ELAVL2: variants seen among roughly 807,000 people sequenced by gnomAD.
ELAVL2 encodes ELAV-like protein 2.
In ELAVL2, 4 loss-of-function variants were observed where a neutral mutation model predicts 34.6. The ratio of observed to expected loss-of-function variants is 0.12; its 90% CI spans 0.06 to 0.26. The LOEUF is 0.26. Ranked by LOEUF, ELAVL2 falls within the 10% of genes least tolerant of loss-of-function variation. The pLI is 1.00. For missense variants in ELAVL2, 432 were observed against 442.8 expected (o/e 0.98, Z 0.22); for synonymous variants, 193 against 154.8 (o/e 1.25, Z -1.83).
intron 2 of ELAVL2, among the ~76,000 whole-genome samples, chr9:23,740,477 G>A (rs1003937769): frequency 5.3e-5 from 8 of 152,162 alleles, no homozygotes; most frequent in African/African-American, 1.9e-4. Flanking sequence ...CTTTGGCCAT[G>A]TGTGGAAATT....
At chr9:23,769,419 G>GT (rs1045925156) in intron 1 of ELAVL2, among the ~76,000 whole-genome samples, 3 of 152,114 alleles carry the variant, frequency 2.0e-5, no homozygotes, top group Admixed American at 2.0e-4. Context: ...TCACTAAGTG[G>GT]TATTTTCAGG....
chr9:23,692,729 G>C lies in ELAVL2; in HGVS notation c.908C>G (p.Thr303Ser). 1 of 1,614,158 alleles carries C rather than the reference G, an allele frequency of 6.2e-7. No individual in the cohort carries two copies. Among genetic ancestry groups the C allele is most frequent in the Non-Finnish European group, 8.5e-7 (1 of 1,180,002 alleles). Residue 303 changes from threonine to serine, a missense_variant, in exon 7 of 7, where the codon ACC (threonine) becomes AGC (serine). By Grantham distance (58) the Thr-to-Ser change is moderately conservative (BLOSUM62 1). This residue lies in a region of ELAVL2 where 295 missense variants were observed against 306.1 expected (regional missense o/e 0.96). Transcript: ENST00000397312. The part of the protein sequence containing the change: ...WQMFGPFGAV[T>S]NVKVIRDFNT... ...AAAGTCACGGATGACCTTCACATTG[G>C]TGACAGCTCCAAAAGGCCCAAACAT...
Position 23,731,124 on chromosome 9 carries a change from C to A in ELAVL2, c.231G>T (p.Gly77=), listed in dbSNP as rs779233457. ...TCACAAAGCCATATCCCAAGCTCTG[C>A]CCTAATGAAAAGGAAGGGGAAAAAG... ...SCKLVRDKIT[G]QSLGYGFVNY... The change falls in exon 3 of 7, where the codon GGG becomes GGT. Residue 77 remains glycine, a splice_region_variant and synonymous_variant. Coordinates refer to ENST00000397312, the MANE Select transcript of ELAVL2 (RefSeq NM_004432.5). 4.3e-6 allele frequency: 7 copies of A among 1,609,832 alleles called. No homozygotes were observed. Among genetic ancestry groups the A allele is most frequent in the Admixed American group, 1.7e-5 (1 of 59,404 alleles).
intron 1 of ELAVL2, among the ~76,000 whole-genome samples, chr9:23,820,002 C>T (rs1473676642): frequency 6.6e-6 from 1 of 152,132 alleles, no homozygotes; most frequent in Non-Finnish European, 1.5e-5. Flanking sequence ...CGGGTCCACT[C>T]AGCAATACAG....
intron 3 of ELAVL2, 78 bp downstream of exon 3, chr9:23,730,944 A>C: frequency 1.5e-6 from 2 of 1,354,136 alleles, no homozygotes; most frequent in South Asian, 2.9e-5. Context: ...AAAAGGAAGA[A>C]AGGAAAGAAC....
chr9:23,844,019 C>T, the ELAVL2 span, among the ~76,000 whole-genome samples: 2 of 151,822 alleles, frequency 1.3e-5, no homozygotes, highest in African/African-American at 4.8e-5. Flanking sequence ...AAAATATATA[C>T]TTCATCTTTC....
chr9:23,710,943 C>T (rs2133655952), intron 3 of ELAVL2, among the ~76,000 whole-genome samples: 1 of 152,168 alleles, frequency 6.6e-6, no homozygotes, highest in African/African-American at 2.4e-5. Flanking sequence ...AGGCCAGAGA[C>T]CTCAAAATTC....
chr9:23,766,836 T>C (rs567144082), intron 1 of ELAVL2, among the ~76,000 whole-genome samples: 2 of 152,192 alleles, frequency 1.3e-5, no homozygotes, highest in South Asian at 4.1e-4. Context: ...CTACTCAATC[T>C]ACCACAGACA....
chr9:23,754,810 G>A (rs914054497), intron 2 of ELAVL2, among the ~76,000 whole-genome samples: 2 of 152,142 alleles, frequency 1.3e-5, no homozygotes, highest in African/African-American at 4.8e-5. Context: ...GTCAACAGAT[G>A]CAAGATGAGT....
At chr9:23,731,893 A>C (rs928196028) in intron 2 of ELAVL2, among the ~76,000 whole-genome samples, 3 of 152,124 alleles carry the variant, frequency 2.0e-5, no homozygotes, top group Non-Finnish European at 2.9e-5. Flanking sequence ...TCCCCCCATC[A>C]TCTGAGCCCT....
intron 3 of ELAVL2, among the ~76,000 whole-genome samples, chr9:23,727,790 C>T (rs1331652523): frequency 6.6e-6 from 1 of 152,064 alleles, no homozygotes; most frequent in Non-Finnish European, 1.5e-5. Flanking sequence ...TACTGAACAT[C>T]TGTCATTTAT....
At chr9:23,774,110 C>G (rs1178774939) in intron 1 of ELAVL2, among the ~76,000 whole-genome samples, 1 of 148,604 alleles carries the variant, frequency 6.7e-6, no homozygotes. Context: ...ACACGGGAGG[C>G]TGAGGCAGGA....
chr9:23,796,316 T>G (rs960362822), intron 1 of ELAVL2, among the ~76,000 whole-genome samples: 1 of 152,234 alleles, frequency 6.6e-6, no homozygotes, highest in Admixed American at 6.5e-5. Context: ...TTTGGGTAAC[T>G]TGCAATCTCC....
chr9:23,764,570 T>C (rs1157158765), intron 1 of ELAVL2, among the ~76,000 whole-genome samples: 3 of 152,194 alleles, frequency 2.0e-5, no homozygotes, highest in African/African-American at 7.2e-5. Flanking sequence ...CAACAGTTAC[T>C]GGGCAAATAA....
rs759191278 is a variant in ELAVL2, at chr9:23,692,616, G to A, written c.1021C>T (p.Arg341Cys). The A allele has an allele frequency of 1.4e-5, 23 of 1,613,992 alleles. No individual in the cohort carries two copies. The highest frequency in any genetic ancestry group is 2.2e-5 in the East Asian group (1 of 44,864). Reference sequence around the variant, plus strand: ...ACCTGCAGTACTCTGTCTCCCAGACGGTATCCATTGAGGCTAGCTATCGCC... The same window carrying A: ...ACCTGCAGTACTCTGTCTCCCAGACAGTATCCATTGAGGCTAGCTATCGCC... ...AMAIASLNGYRLGDRVLQVSF... is the reference protein window; with the variant it reads ...AMAIASLNGYCLGDRVLQVSF... The change falls in exon 7 of 7, where the codon CGT becomes TGT. Residue 341 changes from arginine to cysteine, a missense_variant. By Grantham distance (180) the Arg-to-Cys change is radical (BLOSUM62 -3). This residue lies in a region of ELAVL2 where 295 missense variants were observed against 306.1 expected (regional missense o/e 0.96). Transcript: ENST00000397312.
At chr9:23,808,343 T>A (rs2062523820) in intron 1 of ELAVL2, among the ~76,000 whole-genome samples, 1 of 152,062 alleles carries the variant, frequency 6.6e-6, no homozygotes, top group African/African-American at 2.4e-5. Flanking sequence ...CAGCAGGGAG[T>A]ATACTGTATT....
At chr9:23,702,689 C>T (rs1186807272) in intron 4 of ELAVL2, among the ~76,000 whole-genome samples, 2 of 151,744 alleles carry the variant, frequency 1.3e-5, no homozygotes, top group East Asian at 1.9e-4. Context: ...TCCACATATG[C>T]GTATCTAAGA....
At chr9:23,777,922 C>T (rs1017911947) in intron 1 of ELAVL2, among the ~76,000 whole-genome samples, 1 of 152,100 alleles carries the variant, frequency 6.6e-6, no homozygotes, top group Non-Finnish European at 1.5e-5. Context: ...GTTGACTACA[C>T]ATTAACTAAG....
chr9:23,835,979 G>A, the ELAVL2 span, among the ~76,000 whole-genome samples: 1 of 152,138 alleles, frequency 6.6e-6, no homozygotes, highest in African/African-American at 2.4e-5. Flanking sequence ...AGACTTCTAT[G>A]AGCAAGTGTA....
Sources: gnomAD v4.1 joint callset for allele counts (sites outside exome capture counted in the v4.1 genomes callset) on GRCh38, gnomAD v4.1.1 for gene constraint, gnomAD v4.1.1 regional missense constraint, MANE v1.5 for transcripts, NCBI Gene and HGNC (gene_info 2026-07-23, HGNC 2026-07-21) for gene names.